Variants in ZC3H8 observed in about 807,000 individuals in gnomAD.
ZC3H8 encodes the protein zinc finger CCCH-type containing 8.
In ZC3H8, 27 loss-of-function variants were observed where a neutral mutation model predicts 42.5. That is an observed-to-expected ratio of 0.64 (90% confidence interval 0.47 to 0.88). The LOEUF is 0.88. ZC3H8 is among the 40% of genes least tolerant of loss of function. The pLI, the probability that ZC3H8 is intolerant of heterozygous loss-of-function variation, is 0.00. For synonymous variants in ZC3H8, 101 were observed against 110.1 expected (o/e 0.92, Z 0.52); for missense variants, 277 against 336.1 (o/e 0.82, Z 1.37).
rs1394329942 is a variant in ZC3H8, at chr2:112,238,488, C to G, written c.197G>C (p.Arg66Thr). 2 of 1,612,062 alleles carry G rather than the reference C, an allele frequency of 1.2e-6. No homozygotes were observed. The highest frequency in any genetic ancestry group is 4.5e-5 in the East Asian group (2 of 44,848). ...SAISPKSSLH[R>T]KSRSKDYDVY... The stretch of plus-strand genomic sequence containing the variant: ...ATCATAGTCCTTACTTCTTGATTTT[C>G]TATGCAGCGAACTTTTTGGTGATAT... The change falls in exon 3 of 9, where the codon AGA becomes ACA. Residue 66 changes from arginine to threonine, a missense_variant. Arg to Thr is a moderately conservative substitution (Grantham distance 71). Coordinates refer to ENST00000409573, the MANE Select transcript of ZC3H8 (RefSeq NM_032494.3).
Position 112,254,948 on chromosome 2 carries a change from T to TG in ZC3H8, c.33dup (p.Asn12GlnfsTer12). On this transcript the variant is annotated frameshift_variant, in exon 1 of 9. Transcript: ENST00000409573. LOFTEE classifies it high-confidence loss of function. The stretch of plus-strand genomic sequence containing the variant: ...GTGGCCGTTTTGCCGAGGGCCGGGT[T>TG]GGGGGGTTTTGAGAAAAGATTCTCA... 1.2e-6 allele frequency: 2 copies of TG among 1,613,212 alleles called. No individual in the cohort carries two copies. The highest frequency in any genetic ancestry group is 1.7e-6 in the Non-Finnish European group (2 of 1,179,588).
At position 112,231,807 on chromosome 2, in the gene ZC3H8, A is replaced by G. The variant is rs563261710; in HGVS notation, c.843+31T>C. ...TTCAAACATATTCCTTAAAAAAGAA[A>G]AAACAAAAGATTATTAAAAATTATA... On this transcript the variant is annotated intron_variant, in intron 7 of 8. Coordinates refer to ENST00000409573, the MANE Select transcript of ZC3H8 (RefSeq NM_032494.3). The G allele has an allele frequency of 3.5e-5, 49 of 1,410,578 alleles. No homozygotes were observed. The Middle Eastern group carries it at 6.6e-4, about 19-fold the overall frequency. 87.4% of individuals were successfully genotyped at this position (1,410,578 alleles called of 1,614,324 possible).
intron 1 of ZC3H8, among the ~76,000 whole-genome samples, chr2:112,253,743 G>T (rs1573932408): frequency 6.6e-6 from 1 of 152,226 alleles, no homozygotes; most frequent in East Asian, 1.9e-4. Context: ...CTGCTGTTCG[G>T]ATTTTTAAAT....
At chr2:112,228,881 A>G (rs148437626) in intron 8 of ZC3H8, among the ~76,000 whole-genome samples, 134 of 151,666 alleles carry the variant, frequency 8.8e-4, no homozygotes, top group Middle Eastern at 3.4e-3. Flanking sequence ...CTAAAACTCA[A>G]TAAGAAAACA....
chr2:112,213,456 G>A lies in ZC3H8; in HGVS notation c.*3028C>T, dbSNP rs1293568520. The A allele has an allele frequency of 6.6e-6, 1 of 151,824 alleles. No individual in the cohort carries two copies. Among genetic ancestry groups the A allele is most frequent in the Non-Finnish European group, 1.5e-5 (1 of 67,962 alleles). 9.4% of individuals were successfully genotyped at this position (151,824 alleles called of 1,614,324 possible). On this transcript the variant is annotated 3_prime_UTR_variant, in exon 9 of 9. Coordinates refer to ENST00000409573, the MANE Select transcript of ZC3H8 (RefSeq NM_032494.3). ...TAAAACACCAAAAGGCTATATACTT[G>A]ACCTATATTATCTCACCAACAGATA...
intron 2 of ZC3H8, 111 bp from the exon 3 acceptor site, chr2:112,238,639 A>G: frequency 2.5e-6 from 2 of 804,284 alleles, no homozygotes; most frequent in Non-Finnish European, 3.9e-6. Flanking sequence ...AAGGTGGGTA[A>G]TAGGTACATG....
intron 2 of ZC3H8, chr2:112,240,605 G>A (rs950652483): frequency 1.3e-5 from 2 of 152,118 alleles, no homozygotes; most frequent in African/African-American, 4.8e-5. Flanking sequence ...GTAATAATAC[G>A]TTGGACTTAC....
At chr2:112,228,013 G>GA (rs1558921450) in intron 8 of ZC3H8, among the ~76,000 whole-genome samples, 1 of 152,212 alleles carries the variant, frequency 6.6e-6, no homozygotes, top group East Asian at 1.9e-4. Context: ...AACAAAGCTA[G>GA]ACAGCTTACG....
intron 8 of ZC3H8, among the ~76,000 whole-genome samples, chr2:112,221,162 T>C (rs1292593472): frequency 1.3e-5 from 2 of 152,202 alleles, no homozygotes; most frequent in Non-Finnish European, 2.9e-5. Context: ...TTTGATATGG[T>C]TTGAATCTGT....
chr2:112,226,253 T>C (rs1385769246), intron 8 of ZC3H8, among the ~76,000 whole-genome samples: 1 of 151,188 alleles, frequency 6.6e-6, no homozygotes, highest in Non-Finnish European at 1.5e-5. Context: ...CTGAATAAAC[T>C]TATAACAAGG....
rs1468313100 is a variant in ZC3H8 at position 112,248,137 on chromosome 2, G to A, written c.156+2054C>T. On this transcript the variant is annotated intron_variant, in intron 2 of 8. Transcript: ENST00000409573. The stretch of plus-strand genomic sequence containing the variant: ...GCTCTGGAGTTTGAGACCAGCCTGG[G>A]CAACATGATGAAACCCTGTCTCTGC... Among the ~76,000 whole-genome samples the A allele has an allele frequency of 2.0e-5, 3 of 152,238 alleles. No homozygotes were observed. In the East Asian group the frequency reaches 5.8e-4, roughly 29 times the overall value.
At chr2:112,236,292 G>A (rs2104658183) in intron 4 of ZC3H8, among the ~76,000 whole-genome samples, 3 of 152,134 alleles carry the variant, frequency 2.0e-5, no homozygotes, top group Middle Eastern at 6.8e-3. Context: ...AAAAATCAAG[G>A]AGCTTGTGTG....
At chr2:112,240,356 G>C (rs943139234) in intron 2 of ZC3H8, 2 of 152,248 alleles carry the variant, frequency 1.3e-5, no homozygotes, top group African/African-American at 4.8e-5. Flanking sequence ...TCCTGTGATA[G>C]ATTATGTTTA....
intron 2 of ZC3H8, among the ~76,000 whole-genome samples, chr2:112,244,528 T>G (rs1272024126): frequency 6.6e-5 from 10 of 152,236 alleles, no homozygotes; most frequent in Non-Finnish European, 1.5e-5. Flanking sequence ...ATACCTTATT[T>G]GATGTCCTTC....
intron 8 of ZC3H8, among the ~76,000 whole-genome samples, chr2:112,230,322 TATG>T (rs763492460): frequency 1.3e-5 from 2 of 152,218 alleles, no homozygotes; most frequent in South Asian, 2.1e-4. Flanking sequence ...TATTAAATTT[TATG>T]ATGATATGAT....
Position 112,231,878 on chromosome 2 carries a change from T to C in ZC3H8, c.803A>G (p.His268Arg). 1 of 1,593,802 alleles carries C rather than the reference T, an allele frequency of 6.3e-7. No homozygotes were observed. The highest frequency in any genetic ancestry group is 2.3e-5 in the East Asian group (1 of 44,408). Reference sequence around the variant, plus strand: ...TTGTGTTTCAGGAGTCAGTGGAGCATGAGAAAACTTGCAGTATTCTCCCTG... The same window carrying C: ...TTGTGTTTCAGGAGTCAGTGGAGCACGAGAAAACTTGCAGTATTCTCCCTG... ...CYQGEYCKFS[H>R]APLTPETQEL... Residue 268 changes from histidine to arginine, a missense_variant, in exon 7 of 9, where the codon CAT becomes CGT. By Grantham distance (29) the His-to-Arg change is conservative (BLOSUM62 0). Transcript: ENST00000409573.
chr2:112,238,671 C>T, intron 2 of ZC3H8, 143 bp from the exon 3 acceptor site: 2 of 522,956 alleles, frequency 3.8e-6, no homozygotes, highest in Non-Finnish European at 6.3e-6. Context: ...CTATTCTCTC[C>T]ACTCATATAT....
chr2:112,252,099 T>C (rs896433076), intron 1 of ZC3H8, among the ~76,000 whole-genome samples: 1 of 152,220 alleles, frequency 6.6e-6, no homozygotes. Context: ...ACTATGAATA[T>C]CATCTGTATG....
In ZC3H8 at chr2:112,243,218, C is replaced by T. The variant is rs1259127632; in HGVS notation, c.157-4690G>A. Among the ~76,000 whole-genome samples, 9 of 152,194 alleles carry T rather than the reference C, an allele frequency of 5.9e-5. No individual in the cohort carries two copies. In the East Asian group the frequency reaches 1.7e-3, roughly 29 times the overall value. ...TATATTTTGCACACTCAAACAGTTC[C>T]AGAAGTGTTTTTTCAGACTTTAAGT... On this transcript the variant is annotated intron_variant, in intron 2 of 8. Transcript: ENST00000409573.
Sources: allele counts gnomAD v4.1 joint callset (sites outside exome capture counted in the v4.1 genomes callset), GRCh38; gene constraint gnomAD v4.1.1; transcripts MANE v1.5; gene names NCBI Gene and HGNC (gene_info 2026-07-23, HGNC 2026-07-21).